FSTL5: variants seen among roughly 807,000 people sequenced by gnomAD.
FSTL5 encodes follistatin-related protein 5.
A neutral mutation model predicts 89.1 loss-of-function variants in FSTL5; 62 were observed. The observed-to-expected ratio is 0.70, with a 90% CI of 0.57 to 0.86. The LOEUF (loss-of-function observed/expected upper bound fraction) is 0.86. Ranked by LOEUF, FSTL5 falls within the 40% of genes least tolerant of loss-of-function variation. FSTL5 has a pLI of 0.00. For synonymous variants in FSTL5, 383 were observed against 346.2 expected (o/e 1.11, Z -1.18); for missense variants, 1,057 against 1,001.6 (o/e 1.06, Z -0.75).
intron 4 of FSTL5, among the ~76,000 whole-genome samples, chr4:161,819,161 T>C (rs1460108643): frequency 2.0e-5 from 3 of 152,146 alleles, no homozygotes; most frequent in Non-Finnish European, 2.9e-5. Flanking sequence ...TTTTAATATA[T>C]GAAGTTATAT....
chr4:161,544,751 T>C (rs1421701972), intron 8 of FSTL5, among the ~76,000 whole-genome samples: 1 of 151,950 alleles, frequency 6.6e-6, no homozygotes, highest in Non-Finnish European at 1.5e-5. Context: ...GTCCTGGACT[T>C]AGAAAAATAA....
At chr4:162,063,113 T>C (rs1466732572) in intron 2 of FSTL5, among the ~76,000 whole-genome samples, 2 of 151,858 alleles carry the variant, frequency 1.3e-5, no homozygotes, top group East Asian at 1.9e-4. Flanking sequence ...AATCAATTCA[T>C]AGGTCCCTAG....
intron 3 of FSTL5, among the ~76,000 whole-genome samples, chr4:161,948,952 G>A (rs1560931770): frequency 6.6e-6 from 1 of 152,038 alleles, no homozygotes; most frequent in Non-Finnish European, 1.5e-5. Context: ...TACCACAAAT[G>A]CAATGGCTTA....
At chr4:162,039,500 CT>C (rs1305071575) in intron 2 of FSTL5, among the ~76,000 whole-genome samples, 2 of 151,808 alleles carry the variant, frequency 1.3e-5, no homozygotes, top group African/African-American at 4.8e-5. Flanking sequence ...AAGTTATTTT[CT>C]TTTTAAGAAA....
At chr4:162,140,979 C>T (rs1360731988) in intron 1 of FSTL5, among the ~76,000 whole-genome samples, 3 of 151,788 alleles carry the variant, frequency 2.0e-5, no homozygotes, top group Non-Finnish European at 4.4e-5. Flanking sequence ...GTGTTTGGGT[C>T]ATGGGGGTAG....
chr4:162,053,880 T>C (rs1738458880), intron 2 of FSTL5, among the ~76,000 whole-genome samples: 1 of 151,682 alleles, frequency 6.6e-6, no homozygotes, highest in Non-Finnish European at 1.5e-5. Context: ...CAATAAATCA[T>C]TGAAAAAATA....
At chr4:161,835,110 G>T (rs1376091195) in intron 4 of FSTL5, among the ~76,000 whole-genome samples, 1 of 147,740 alleles carries the variant, frequency 6.8e-6, no homozygotes, top group Non-Finnish European at 1.5e-5. Flanking sequence ...CAGAGATATA[G>T]ATCAATGGAA....
rs1736722998 is a variant in FSTL5, at chr4:162,010,300, A to T, written c.160+23325T>A. 2.0e-5 allele frequency among the ~76,000 whole-genome samples: 3 copies of T among 152,302 alleles called. No individual in the cohort carries two copies. The South Asian group carries it at 6.2e-4, about 32-fold the overall frequency. On this transcript the variant is annotated intron_variant, in intron 3 of 15. Coordinates refer to ENST00000306100, the MANE Select transcript of FSTL5 (RefSeq NM_020116.5). ...TTAAAAATGCAGAGAAAATAAAAAT[A>T]AAAAGCACGCTCACTTAAGAAAATT...
chr4:161,717,090 A>T (rs1441935709), intron 6 of FSTL5, among the ~76,000 whole-genome samples: 2 of 152,126 alleles, frequency 1.3e-5, no homozygotes, highest in African/African-American at 4.8e-5. Flanking sequence ...GTTTTAGATA[A>T]TTGTTTTTGG....
chr4:161,865,778 C>G (rs921097648), intron 4 of FSTL5, among the ~76,000 whole-genome samples: 5 of 145,462 alleles, frequency 3.4e-5, no homozygotes, highest in African/African-American at 1.2e-4. Context: ...TTTACTATCT[C>G]TAGAATAGCA....
intron 7 of FSTL5, among the ~76,000 whole-genome samples, chr4:161,596,423 G>T (rs1734012052): frequency 6.6e-6 from 1 of 151,774 alleles, no homozygotes. Context: ...TGGTATGAAA[G>T]CAAAACCAAA....
At chr4:161,640,995 C>T (rs187548866) in intron 7 of FSTL5, among the ~76,000 whole-genome samples, 1 of 152,164 alleles carries the variant, frequency 6.6e-6, no homozygotes, top group Admixed American at 6.5e-5. Flanking sequence ...AGGTGGTAAG[C>T]TAATATATTC....
intron 2 of FSTL5, among the ~76,000 whole-genome samples, chr4:162,050,105 A>G (rs1738330894): frequency 6.6e-6 from 1 of 151,952 alleles, no homozygotes; most frequent in Non-Finnish European, 1.5e-5. Flanking sequence ...AGAAACATAA[A>G]AACAGAAAGT....
At chr4:161,889,675 C>T (rs1732926177) in intron 4 of FSTL5, among the ~76,000 whole-genome samples, 1 of 152,084 alleles carries the variant, frequency 6.6e-6, no homozygotes, top group Non-Finnish European at 1.5e-5. Flanking sequence ...ATTATTATAA[C>T]TTTATTGGAA....
intron 3 of FSTL5, among the ~76,000 whole-genome samples, chr4:161,958,003 C>A (rs1432310509): frequency 6.6e-6 from 1 of 152,050 alleles, no homozygotes; most frequent in Non-Finnish European, 1.5e-5. Flanking sequence ...AGTTGTCCCA[C>A]AACTCACTGA....
intron 6 of FSTL5, among the ~76,000 whole-genome samples, chr4:161,661,283 T>C (rs138948115): frequency 1.4e-4 from 21 of 152,280 alleles, no homozygotes; most frequent in African/African-American, 3.8e-4. Context: ...TTACGTTAAA[T>C]ATTTCATTAA....
At position 162,006,281 on chromosome 4, in the gene FSTL5, C is replaced by T. The variant is rs992378935; in HGVS notation, c.160+27344G>A. On this transcript the variant is annotated intron_variant, in intron 3 of 15. Transcript: ENST00000306100. ...TATCTTTAGTAAGTGTATACAAGGACTTTCCCTGTTTTATTCTAAACCTAG... is the reference window on the plus strand; with the variant it reads ...TATCTTTAGTAAGTGTATACAAGGATTTTCCCTGTTTTATTCTAAACCTAG... Among the ~76,000 whole-genome samples, 6 of 151,946 alleles carry T rather than the reference C, an allele frequency of 3.9e-5. No homozygotes were observed. In the South Asian group the frequency reaches 1.0e-3, roughly 26 times the overall value.
chr4:162,063,260 A>G (rs1274258986), intron 2 of FSTL5, among the ~76,000 whole-genome samples: 1 of 151,566 alleles, frequency 6.6e-6, no homozygotes, highest in Admixed American at 6.6e-5. Context: ...CTTCTTTTCC[A>G]TCTGTTTTTG....
At chr4:161,764,416 G>A (rs1303149390) in intron 5 of FSTL5, among the ~76,000 whole-genome samples, 1 of 151,836 alleles carries the variant, frequency 6.6e-6, no homozygotes, top group African/African-American at 2.4e-5. Flanking sequence ...CCACCACCAC[G>A]CCCAGCTAAT....
Sources: allele counts gnomAD v4.1 joint callset (sites outside exome capture counted in the v4.1 genomes callset), GRCh38; gene constraint gnomAD v4.1.1; transcripts MANE v1.5; gene names NCBI Gene and HGNC (gene_info 2026-07-23, HGNC 2026-07-21).